The following CELF1 variants were observed in gnomAD, a reference collection of about 807,000 sequenced individuals.
The protein encoded by CELF1 is 50 kDa nuclear polyadenylated RNA-binding protein.
A neutral mutation model predicts 61.8 loss-of-function variants in CELF1; 10 were observed. That is an observed-to-expected ratio of 0.16 (90% CI 0.10 to 0.27). The LOEUF (loss-of-function observed/expected upper bound fraction) is 0.27, where lower values mean the gene tolerates loss of function less well. CELF1 is among the 10% of genes least tolerant of loss of function. The pLI is 1.00. For synonymous variants in CELF1, 236 were observed against 225.1 expected (o/e 1.05, Z -0.43); for missense variants, 380 against 639.1 (o/e 0.59, Z 4.37).
intron 10 of CELF1, 104 bp downstream of exon 10, chr11:47,478,773 C>CA (rs2081373476): frequency 1.1e-6 from 1 of 920,496 alleles, no homozygotes; most frequent in South Asian, 1.4e-5. Flanking sequence ...ACATAATAAG[C>CA]AAAAAAATGT....
At position 47,505,911 on chromosome 11, in the gene CELF1, G is replaced by A. The variant is rs1473057342; in HGVS notation, c.-153-4979C>T. On this transcript the variant is annotated intron_variant, in intron 1 of 14. Coordinates refer to ENST00000687097, the MANE Select transcript of CELF1 (RefSeq NM_001376376.1). ...GATCGTGCCACTGCACTCCAGCCTGGGTGACAAGAGTGAAACTCTGTCTCC... is the reference window on the plus strand; with the variant it reads ...GATCGTGCCACTGCACTCCAGCCTGAGTGACAAGAGTGAAACTCTGTCTCC... 2.7e-5 allele frequency among the ~76,000 whole-genome samples: 4 copies of A among 147,818 alleles called. No homozygotes were observed. The Middle Eastern group carries it at 0.01, about 382-fold the overall frequency.
chr11:47,553,201 AG>A (rs1036589595), upstream of CELF1: 4 of 389,544 alleles, frequency 1.0e-5, no homozygotes, highest in African/African-American at 8.3e-5. Flanking sequence ...GAGCGCGGCG[AG>A]GGGGAACGTA....
rs142972203 is a variant in CELF1 at position 47,551,541 on chromosome 11, T to C, written c.-154+1451A>G. ...ATGATTTTCTAAGTGGACTCTTTAA[T>C]GCTAAAACAGAAAGGGTGATTCTAT... is the stretch of plus-strand genomic sequence containing the variant. On this transcript the variant is annotated intron_variant, in intron 1 of 14. Transcript: ENST00000687097. Among the ~76,000 whole-genome samples, 16 of 152,336 alleles carry C rather than the reference T, an allele frequency of 1.1e-4. No individual in the cohort carries two copies. In the East Asian group the frequency reaches 2.9e-3, roughly 28 times the overall value.
chr11:47,537,782 A>G (rs556586559), intron 1 of CELF1, among the ~76,000 whole-genome samples: 2 of 152,286 alleles, frequency 1.3e-5, no homozygotes, highest in East Asian at 3.9e-4. Context: ...TAATTACCAG[A>G]TATCTACTTT....
intron 1 of CELF1, among the ~76,000 whole-genome samples, chr11:47,521,128 T>C (rs890074183): frequency 6.6e-6 from 1 of 151,862 alleles, no homozygotes; most frequent in African/African-American, 2.4e-5. Flanking sequence ...GGCGGGCGCC[T>C]GTAGTCCCAG....
chr11:47,526,810 C>G (rs1343532489), intron 1 of CELF1, among the ~76,000 whole-genome samples: 1 of 152,118 alleles, frequency 6.6e-6, no homozygotes, highest in African/African-American at 2.4e-5. Context: ...GTGGCTCGTG[C>G]CTGCAATCCC....
chr11:47,505,612 C>T (rs1597259654), intron 1 of CELF1, among the ~76,000 whole-genome samples: 1 of 147,526 alleles, frequency 6.8e-6, no homozygotes, highest in East Asian at 2.0e-4. Flanking sequence ...CACTGTACTC[C>T]AGCCTGGCTG....
At chr11:47,551,751 G>A (rs2097142795) in intron 1 of CELF1, among the ~76,000 whole-genome samples, 1 of 152,154 alleles carries the variant, frequency 6.6e-6, no homozygotes, top group Non-Finnish European at 1.5e-5. Flanking sequence ...GGTGGCTCAC[G>A]CCTGTAATCC....
At chr11:47,481,405 C>T (rs746110265) in intron 9 of CELF1, among the ~76,000 whole-genome samples, 1 of 152,106 alleles carries the variant, frequency 6.6e-6, no homozygotes, top group Non-Finnish European at 1.5e-5. Context: ...GTTGGGATTA[C>T]AGGCGTGAGT....
chr11:47,539,841 C>T (rs1343415323), intron 1 of CELF1, among the ~76,000 whole-genome samples: 1 of 152,200 alleles, frequency 6.6e-6, no homozygotes, highest in African/African-American at 2.4e-5. Context: ...AATCTACTTA[C>T]TTCTCCCTCC....
chr11:47,535,306 GA>G lies in CELF1; in HGVS notation c.-154+17685del, dbSNP rs959921071. Among the ~76,000 whole-genome samples the G allele has an allele frequency of 1.0e-4, 15 of 145,738 alleles. No individual in the cohort carries two copies. In the South Asian group the frequency reaches 1.5e-3, roughly 15 times the overall value. On this transcript the variant is annotated intron_variant, in intron 1 of 14. Coordinates refer to ENST00000687097, the MANE Select transcript of CELF1 (RefSeq NM_001376376.1). ...CATACAACAAATTCACAAACCAAAA[GA>G]AAAAAAAAATGGTTCTATGGAGATA...
At chr11:47,494,009 T>C (rs575691377) in intron 3 of CELF1, among the ~76,000 whole-genome samples, 1 of 152,286 alleles carries the variant, frequency 6.6e-6, no homozygotes, top group East Asian at 1.9e-4. Flanking sequence ...CTCAAATTTG[T>C]ACCTTACTTC....
intron 1 of CELF1, among the ~76,000 whole-genome samples, chr11:47,545,867 CTGCGTGTGTGTG>C (rs1324856726): frequency 2.2e-3 from 268 of 121,650 alleles, no homozygotes; most frequent in Non-Finnish European, 3.0e-3. Context: ...GTGTGTGTGT[CTGCGTGTGTGTG>C]TGTGTGTGTG....
intron 1 of CELF1, among the ~76,000 whole-genome samples, chr11:47,526,692 T>C (rs897540551): frequency 1.3e-5 from 2 of 152,078 alleles, no homozygotes; most frequent in South Asian, 2.1e-4. Context: ...CACAGGGAAA[T>C]AGAATGGTGG....
chr11:47,484,782 G>T (rs2085623322), intron 6 of CELF1, among the ~76,000 whole-genome samples: 1 of 152,188 alleles, frequency 6.6e-6, no homozygotes, highest in African/African-American at 2.4e-5. Flanking sequence ...GGATTCAAGT[G>T]ATTCTCCTGC....
chr11:47,503,745 C>CT (rs1368887488), intron 1 of CELF1, among the ~76,000 whole-genome samples: 1 of 152,170 alleles, frequency 6.6e-6, no homozygotes, highest in African/African-American at 2.4e-5. Flanking sequence ...TCTAATATAA[C>CT]TACTGGGTCT....
At chr11:47,525,947 A>C (rs1490442167) in intron 1 of CELF1, among the ~76,000 whole-genome samples, 2 of 151,914 alleles carry the variant, frequency 1.3e-5, no homozygotes, top group African/African-American at 4.8e-5. Flanking sequence ...AAACAAAAAA[A>C]AAAAAGGAAG....
At chr11:47,519,973 T>G (rs906947834) in intron 1 of CELF1, among the ~76,000 whole-genome samples, 1 of 150,742 alleles carries the variant, frequency 6.6e-6, no homozygotes, top group Non-Finnish European at 1.5e-5. Flanking sequence ...ATTTAACTTG[T>G]CAGTGCTTTG....
At chr11:47,526,120 C>T (rs1294532606) in intron 1 of CELF1, among the ~76,000 whole-genome samples, 2 of 151,744 alleles carry the variant, frequency 1.3e-5, no homozygotes, top group African/African-American at 2.4e-5. Flanking sequence ...ACCTCAGGTC[C>T]GGAGTTCGAG....
Sources: allele counts gnomAD v4.1 joint callset (sites outside exome capture counted in the v4.1 genomes callset), GRCh38; gene constraint gnomAD v4.1.1; transcripts MANE v1.5; gene names NCBI Gene and HGNC (gene_info 2026-07-23, HGNC 2026-07-21).